Variants in RBMS3 observed in about 807,000 individuals in gnomAD.
The protein encoded by RBMS3 is RNA binding motif single stranded interacting protein 3.
In RBMS3, 27 loss-of-function variants were observed where a neutral mutation model predicts 66.8. The observed-to-expected ratio is 0.40, with a 90% confidence interval of 0.30 to 0.56. RBMS3 has a LOEUF of 0.56. Among genes scored for constraint, RBMS3 ranks in the 20% least tolerant of loss-of-function variants. RBMS3 has a pLI of 0.40. For missense variants in RBMS3, 513 were observed against 549.5 expected, an observed-to-expected ratio of 0.93 and a Z score of 0.66; for synonymous variants, 188 against 183.0, an observed-to-expected ratio of 1.03 and a Z score of -0.22.
chr3:29,429,910 C>T (rs917644209), intron 1 of RBMS3, among the ~76,000 whole-genome samples: 1 of 151,294 alleles, frequency 6.6e-6, no homozygotes, highest in Non-Finnish European at 1.5e-5. Flanking sequence ...GACCCATTAA[C>T]CCCTAGAGAT....
At chr3:29,753,248 A>T (rs757021355) in intron 5 of RBMS3, among the ~76,000 whole-genome samples, 1 of 152,188 alleles carries the variant, frequency 6.6e-6, no homozygotes, top group East Asian at 1.9e-4. Flanking sequence ...GTGCACCTAG[A>T]TATTTAAAAT....
Position 29,480,898 on chromosome 3 carries a change from C to T in RBMS3, c.249-7543C>T, listed in dbSNP as rs1410466185. 3.3e-5 allele frequency among the ~76,000 whole-genome samples: 5 copies of T among 152,078 alleles called. No homozygotes were observed. In the East Asian group the frequency reaches 9.7e-4, roughly 29 times the overall value. On this transcript the variant is annotated intron_variant, in intron 2 of 14. Transcript: ENST00000383767. ...GTCACAGACATCACAGGGATGAATA[C>T]CAATTGGGGAGAAAAGGAGAAGCAG...
At chr3:29,820,854 G>C (rs2058060423) in intron 6 of RBMS3, among the ~76,000 whole-genome samples, 1 of 152,172 alleles carries the variant, frequency 6.6e-6, no homozygotes, top group Non-Finnish European at 1.5e-5. Flanking sequence ...AGACTGAGGT[G>C]GTGGGAGGAT....
chr3:29,963,133 A>G (rs1432721707), intron 12 of RBMS3, among the ~76,000 whole-genome samples: 1 of 152,118 alleles, frequency 6.6e-6, no homozygotes, highest in African/African-American at 2.4e-5. Flanking sequence ...ACACAAAATT[A>G]TAACTTAAAT....
In RBMS3 at chr3:29,538,189, G is replaced by A. The variant is rs2045641762; in HGVS notation, c.308-48925G>A. On this transcript the variant is annotated intron_variant, in intron 3 of 14. Transcript: ENST00000383767. ...ACATGAATAAAGATAAATGTGGATA[G>A]GTAGAAGATAATCAAATACTGGAAC... is the stretch of plus-strand genomic sequence containing the variant. 2.0e-5 allele frequency among the ~76,000 whole-genome samples: 3 copies of A among 152,112 alleles called. No individual in the cohort carries two copies. In the South Asian group the frequency reaches 6.2e-4, roughly 32 times the overall value.
intron 4 of RBMS3, among the ~76,000 whole-genome samples, chr3:29,638,283 TTC>T (rs1213818108): frequency 6.6e-6 from 1 of 151,608 alleles, no homozygotes; most frequent in Non-Finnish European, 1.5e-5. Flanking sequence ...CTAGGACAGG[TTC>T]ACAAGGAATA....
At chr3:29,874,938 C>T (rs2059577433) in intron 7 of RBMS3, among the ~76,000 whole-genome samples, 1 of 152,136 alleles carries the variant, frequency 6.6e-6, no homozygotes, top group Non-Finnish European at 1.5e-5. Flanking sequence ...CAGTCCTCTG[C>T]CTAGCCTATG....
chr3:29,902,089 C>A (rs771180851), intron 10 of RBMS3, among the ~76,000 whole-genome samples: 23 of 151,768 alleles, frequency 1.5e-4, no homozygotes, highest in Non-Finnish European at 2.8e-4. Context: ...TGATGATTAA[C>A]AACATGGATT....
At chr3:29,323,308 T>G (rs892637394) in intron 1 of RBMS3, among the ~76,000 whole-genome samples, 3 of 152,140 alleles carry the variant, frequency 2.0e-5, no homozygotes, top group East Asian at 3.9e-4. Context: ...GTTGATTTTT[T>G]TGGGTAATAA....
At chr3:29,399,801 C>A (rs1410021933) in intron 1 of RBMS3, among the ~76,000 whole-genome samples, 1 of 152,104 alleles carries the variant, frequency 6.6e-6, no homozygotes, top group Non-Finnish European at 1.5e-5. Context: ...CTAGCTAAAG[C>A]ACTGATAGGC....
chr3:29,779,866 T>C (rs1233902508), intron 6 of RBMS3, among the ~76,000 whole-genome samples: 1 of 151,042 alleles, frequency 6.6e-6, no homozygotes, highest in African/African-American at 2.4e-5. Flanking sequence ...GAGTAAGCTT[T>C]TTTTTTTAAT....
chr3:29,953,199 G>A (rs1456572708), intron 12 of RBMS3, among the ~76,000 whole-genome samples: 1 of 151,880 alleles, frequency 6.6e-6, no homozygotes, highest in Non-Finnish European at 1.5e-5. Context: ...GGAAATGAGG[G>A]GCAATTGAAT....
chr3:29,484,168 G>A (rs2043239374), intron 2 of RBMS3, among the ~76,000 whole-genome samples: 1 of 152,216 alleles, frequency 6.6e-6, no homozygotes, highest in African/African-American at 2.4e-5. Flanking sequence ...TTAGAAAGGT[G>A]TCTTGTCTGA....
intron 6 of RBMS3, among the ~76,000 whole-genome samples, chr3:29,817,248 C>A (rs1248140597): frequency 7.3e-6 from 1 of 137,576 alleles, no homozygotes; most frequent in Non-Finnish European, 1.5e-5. Context: ...AGTGCAATGG[C>A]ACAATCTTGG....
chr3:29,361,542 TGAG>T (rs2037590683), intron 1 of RBMS3, among the ~76,000 whole-genome samples: 1 of 152,164 alleles, frequency 6.6e-6, no homozygotes, highest in South Asian at 2.1e-4. Context: ...TTGGTCTTCT[TGAG>T]GAGTATCTTT....
At chr3:29,614,642 A>T (rs1356025296) in intron 4 of RBMS3, 1 of 152,160 alleles carries the variant, frequency 6.6e-6, no homozygotes, top group African/African-American at 2.4e-5. Flanking sequence ...ACTGGTTGAA[A>T]ACTGTAGAAA....
intron 6 of RBMS3, among the ~76,000 whole-genome samples, chr3:29,824,130 C>A (rs1038558983): frequency 6.7e-6 from 1 of 150,076 alleles, no homozygotes; most frequent in Non-Finnish European, 1.5e-5. Context: ...CCCCACCCCA[C>A]GCCAAATTCA....
At chr3:29,690,057 G>A (rs988957153) in intron 4 of RBMS3, among the ~76,000 whole-genome samples, 2 of 149,734 alleles carry the variant, frequency 1.3e-5, no homozygotes, top group African/African-American at 4.9e-5. Context: ...TCTGGTATAT[G>A]TGGAAAGTAT....
chr3:29,615,825 C>T (rs1455973950), intron 4 of RBMS3: 1 of 152,100 alleles, frequency 6.6e-6, no homozygotes, highest in East Asian at 1.9e-4. Flanking sequence ...TTGTATCACT[C>T]ATGTAAATAA....
Sources: allele counts gnomAD v4.1 joint callset (sites outside exome capture counted in the v4.1 genomes callset), GRCh38; gene constraint gnomAD v4.1.1; transcripts MANE v1.5; gene names NCBI Gene and HGNC (gene_info 2026-07-23, HGNC 2026-07-21).